RPS6KC1: variants seen among roughly 807,000 people sequenced by gnomAD.
RPS6KC1 encodes ribosomal protein S6 kinase C1.
RPS6KC1 carries 54 observed loss-of-function variants against 103.8 expected under a neutral mutation model. That is an observed-to-expected ratio of 0.52 (90% CI 0.42 to 0.65). The LOEUF (loss-of-function observed/expected upper bound fraction) is 0.65, where lower values mean the gene tolerates loss of function less well. RPS6KC1 is among the 30% of genes least tolerant of loss of function. The pLI is 0.00. For missense variants in RPS6KC1, 1,151 were observed against 1,253.8 expected (o/e 0.92, Z 1.24); for synonymous variants, 439 against 438.7 (o/e 1.00, Z -0.01).
intron 14 of RPS6KC1, among the ~76,000 whole-genome samples, chr1:213,269,629 CAAG>C (rs965652009): frequency 6.6e-6 from 1 of 151,698 alleles, no homozygotes. Context: ...TAGAAATCAA[CAAG>C]AGGAGGAGAT....
the RPS6KC1 span, among the ~76,000 whole-genome samples, chr1:213,483,454 A>G: frequency 1.3e-5 from 2 of 152,240 alleles, no homozygotes; most frequent in Non-Finnish European, 2.9e-5. Flanking sequence ...TGGACATAAT[A>G]AAAATGCTAT....
the RPS6KC1 span, among the ~76,000 whole-genome samples, chr1:213,602,297 C>A: frequency 7.0e-6 from 1 of 143,466 alleles, no homozygotes; most frequent in Non-Finnish European, 1.5e-5. Flanking sequence ...CTCTGTCACC[C>A]AGGCTGGCTC....
the RPS6KC1 span, among the ~76,000 whole-genome samples, chr1:213,420,498 C>T: frequency 0.019 from 2,949 of 152,254 alleles, 97 homozygotes; most frequent in African/African-American, 0.068. Context: ...GACAAAAAGG[C>T]AAAAGCAAAG....
the RPS6KC1 span, among the ~76,000 whole-genome samples, chr1:213,348,655 T>C: frequency 2.0e-5 from 3 of 152,210 alleles, no homozygotes; most frequent in African/African-American, 7.2e-5. Flanking sequence ...CCATACTCTT[T>C]AAGGTTAATT....
chr1:213,465,099 C>T, the RPS6KC1 span, among the ~76,000 whole-genome samples: 754 of 152,272 alleles, frequency 5.0e-3, 5 homozygotes, highest in Non-Finnish European at 8.4e-3. Flanking sequence ...GTCCTAGATC[C>T]AGATTTATCT....
At chr1:213,404,948 G>C in the RPS6KC1 span, among the ~76,000 whole-genome samples, 5 of 152,214 alleles carry the variant, frequency 3.3e-5, no homozygotes, top group Non-Finnish European at 7.3e-5. Context: ...TAAAACAATG[G>C]GGTGGGGACA....
At chr1:213,855,466 G>A in the RPS6KC1 span, among the ~76,000 whole-genome samples, 1 of 152,118 alleles carries the variant, frequency 6.6e-6, no homozygotes. Context: ...GGCTAGATGT[G>A]CTCCTTCTGC....
At chr1:213,678,311 A>C in the RPS6KC1 span, among the ~76,000 whole-genome samples, 1 of 152,236 alleles carries the variant, frequency 6.6e-6, no homozygotes, top group Non-Finnish European at 1.5e-5. Flanking sequence ...CCCTGCATTA[A>C]GAACACAGCT....
At chr1:213,798,468 G>A in the RPS6KC1 span, among the ~76,000 whole-genome samples, 1 of 152,304 alleles carries the variant, frequency 6.6e-6, no homozygotes, top group South Asian at 2.1e-4. Flanking sequence ...TATAGCAGGG[G>A]CTGGAGGCGG....
At chr1:213,257,943 A>G (rs2094690835) in intron 12 of RPS6KC1, among the ~76,000 whole-genome samples, 1 of 151,580 alleles carries the variant, frequency 6.6e-6, no homozygotes, top group Admixed American at 6.6e-5. Flanking sequence ...AGTTAGGACT[A>G]CAGGTGCACA....
At chr1:213,201,549 T>C (rs1377237961) in intron 8 of RPS6KC1, among the ~76,000 whole-genome samples, 3 of 152,162 alleles carry the variant, frequency 2.0e-5, no homozygotes, top group Non-Finnish European at 2.9e-5. Context: ...TAGAACATAC[T>C]ACAGCAAGAT....
At chr1:213,753,419 T>C in the RPS6KC1 span, among the ~76,000 whole-genome samples, 1 of 152,176 alleles carries the variant, frequency 6.6e-6, no homozygotes, top group African/African-American at 2.4e-5. Flanking sequence ...GAAACTGTAA[T>C]GGGTTTTGCT....
the RPS6KC1 span, among the ~76,000 whole-genome samples, chr1:213,506,385 T>A: frequency 6.6e-6 from 1 of 152,202 alleles, no homozygotes; most frequent in Non-Finnish European, 1.5e-5. Context: ...CAACACCATG[T>A]TTTAATAGAT....
the RPS6KC1 span, among the ~76,000 whole-genome samples, chr1:213,365,798 G>A: frequency 7.9e-5 from 12 of 152,326 alleles, no homozygotes; most frequent in African/African-American, 2.9e-4. Flanking sequence ...CATATAGTAA[G>A]CATTTTAGGT....
intron 3 of RPS6KC1, among the ~76,000 whole-genome samples, chr1:213,097,919 G>A (rs556083208): frequency 1.3e-5 from 2 of 152,304 alleles, no homozygotes; most frequent in Non-Finnish European, 2.9e-5. Context: ...GAGAGTTAGG[G>A]CCTTGCTCTG....
chr1:213,137,613 G>A (rs140156332), intron 6 of RPS6KC1, among the ~76,000 whole-genome samples: 39 of 151,592 alleles, frequency 2.6e-4, no homozygotes, highest in African/African-American at 9.2e-4. Flanking sequence ...GATTAGAGGC[G>A]TGAGCCACCG....
At chr1:213,554,525 T>A in the RPS6KC1 span, among the ~76,000 whole-genome samples, 1 of 152,250 alleles carries the variant, frequency 6.6e-6, no homozygotes, top group East Asian at 1.9e-4. Flanking sequence ...TGGTTCCAAA[T>A]GAATTTTAGA....
chr1:213,052,726 G>A (rs2077050646), intron 1 of RPS6KC1, among the ~76,000 whole-genome samples: 1 of 152,072 alleles, frequency 6.6e-6, no homozygotes. Flanking sequence ...ATTTTTAGTA[G>A]AGATGGGGTT....
the RPS6KC1 span, among the ~76,000 whole-genome samples, chr1:213,579,197 C>T: frequency 6.6e-6 from 1 of 152,106 alleles, no homozygotes; most frequent in Non-Finnish European, 1.5e-5. Flanking sequence ...TTGCCTTCCA[C>T]CATGACTGTG....
Sources: gnomAD v4.1 joint callset for allele counts (sites outside exome capture counted in the v4.1 genomes callset) on GRCh38, gnomAD v4.1.1 for gene constraint, MANE v1.5 for transcripts, NCBI Gene and HGNC (gene_info 2026-07-23, HGNC 2026-07-21) for gene names.